The following CERKL variants were observed in gnomAD, a reference collection of about 807,000 sequenced individuals.
CERKL encodes CERK like autophagy regulator.
Under a neutral mutation model 63.4 loss-of-function variants are expected in CERKL, and 61 were observed. The observed-to-expected ratio is 0.96, with a 90% confidence interval of 0.78 to 1.19. The LOEUF (loss-of-function observed/expected upper bound fraction) is 1.19, where lower values mean the gene tolerates loss of function less well. CERKL is among the 50% of genes most tolerant of loss of function. The pLI is 0.00. For synonymous variants in CERKL, 250 were observed against 230.5 expected (o/e 1.08, Z -0.77); for missense variants, 675 against 655.5 (o/e 1.03, Z -0.33).
Position 181,656,961 on chromosome 2 carries a change from C to G in CERKL, c.46G>C (p.Gly16Arg), listed in dbSNP as rs1267998340. The change falls in exon 1 of 13, where the codon GGC (glycine) becomes CGC (arginine). Residue 16 changes from glycine (G) to arginine (R), a missense_variant. Gly to Arg is a moderately radical substitution (Grantham distance 125). Transcript: ENST00000410087. ...TCCGGGGGCGCCTCTTCCTCCCGGC[C>G]GCCCTCCAGGGCACTCACCCGGTTC... ...RRNRVSALEG[G>R]REEEAPPEAA... 8.8e-6 allele frequency: 14 copies of G among 1,582,302 alleles called. No homozygotes were observed. The highest frequency in any genetic ancestry group is 1.2e-5 in the Non-Finnish European group (14 of 1,164,802).
chr2:181,548,314 G>A, intron 8 of CERKL: 1 of 558,822 alleles, frequency 1.8e-6, no homozygotes, highest in Non-Finnish European at 3.1e-6. Flanking sequence ...GAGAACGGAA[G>A]GAGGGAGGGA....
chr2:181,610,729 A>G (rs1314399645), intron 1 of CERKL, among the ~76,000 whole-genome samples: 1 of 152,232 alleles, frequency 6.6e-6, no homozygotes, highest in Non-Finnish European at 1.5e-5. Flanking sequence ...CTGGTTACCT[A>G]TTAAATATGC....
chr2:181,565,635 C>G, intron 4 of CERKL: 2 of 822,296 alleles, frequency 2.4e-6, no homozygotes, highest in Non-Finnish European at 4.0e-6. Flanking sequence ...CAATCTATCA[C>G]AGACAAGTTA....
rs577788429 is a variant in CERKL at position 181,589,691 on chromosome 2, T to C, written c.481+14146A>G. Among the ~76,000 whole-genome samples, 3 of 152,312 alleles carry C rather than the reference T, an allele frequency of 2.0e-5. No homozygotes were observed. The South Asian group carries it at 6.2e-4, about 32-fold the overall frequency. ...CTCCAAATGGACTAGAGATCTAAAA[T>C]TCAACTATGCAAGTACTAGAAGAAA... On this transcript the variant is annotated intron_variant, in intron 2 of 12. Coordinates refer to ENST00000410087, the MANE Select transcript of CERKL (RefSeq NM_201548.5).
chr2:181,619,217 AG>A (rs1686343122), intron 1 of CERKL, among the ~76,000 whole-genome samples: 1 of 152,076 alleles, frequency 6.6e-6, no homozygotes, highest in African/African-American at 2.4e-5. Flanking sequence ...CTTCCATCTC[AG>A]TCCCTCAGGA....
At position 181,611,184 on chromosome 2, in the gene CERKL, T is replaced by C. The variant is rs184028408; in HGVS notation, c.239-7105A>G. On this transcript the variant is annotated intron_variant, in intron 1 of 12. Coordinates refer to ENST00000410087, the MANE Select transcript of CERKL (RefSeq NM_201548.5). The stretch of plus-strand genomic sequence containing the variant: ...GTTGCAGTGAGCCAAGATCACACCA[T>C]TGCACTTCAGCCTGGGCAACAGAGT... 9.2e-5 allele frequency among the ~76,000 whole-genome samples: 14 copies of C among 152,026 alleles called. No individual in the cohort carries two copies. In the East Asian group the frequency reaches 9.7e-4, roughly 11 times the overall value.
chr2:181,577,091 C>T (rs186856131), intron 2 of CERKL, among the ~76,000 whole-genome samples: 1 of 152,174 alleles, frequency 6.6e-6, no homozygotes. Context: ...ATATTTATAA[C>T]AGGTTCCCAG....
chr2:181,651,023 A>T (rs1342111285), intron 1 of CERKL, among the ~76,000 whole-genome samples: 3 of 152,354 alleles, frequency 2.0e-5, no homozygotes, highest in East Asian at 3.9e-4. Context: ...TAAGTGAGGA[A>T]ATTGAATCAG....
chr2:181,602,027 C>G (rs1202523031), intron 2 of CERKL, among the ~76,000 whole-genome samples: 1 of 152,188 alleles, frequency 6.6e-6, no homozygotes, highest in African/African-American at 2.4e-5. Context: ...CTAGATCAAA[C>G]AAAAACATCA....
chr2:181,576,658 T>G (rs1311084162), intron 2 of CERKL, among the ~76,000 whole-genome samples: 2 of 152,144 alleles, frequency 1.3e-5, no homozygotes, highest in East Asian at 1.9e-4. Context: ...TTGCGGAAAG[T>G]AGATAAAGTA....
At chr2:181,593,304 C>A (rs879062870) in intron 2 of CERKL, among the ~76,000 whole-genome samples, 1 of 152,082 alleles carries the variant, frequency 6.6e-6, no homozygotes, top group African/African-American at 2.4e-5. Context: ...TGCTATCTAG[C>A]GTGATCATCC....
intron 1 of CERKL, among the ~76,000 whole-genome samples, chr2:181,637,350 A>G (rs1017185056): frequency 6.6e-6 from 1 of 152,184 alleles, no homozygotes; most frequent in Non-Finnish European, 1.5e-5. Flanking sequence ...TTAAACCACT[A>G]TTTGCGATAA....
In CERKL at chr2:181,547,850, A is replaced by T; in HGVS notation, c.1134-3T>A. 1 of 1,613,988 alleles carries T rather than the reference A, an allele frequency of 6.2e-7. No homozygotes were observed. The stretch of plus-strand genomic sequence containing the variant: ...ATTTGGGAGATCCCTGTGCCCTCCT[A>T]AAAGAAAGAAAACAAAACAAAGACA... On this transcript the variant is annotated splice_polypyrimidine_tract_variant and splice_region_variant and intron_variant, in intron 8 of 12. Transcript: ENST00000410087.
At chr2:181,606,890 C>A (rs1685742362) in intron 1 of CERKL, among the ~76,000 whole-genome samples, 2 of 152,136 alleles carry the variant, frequency 1.3e-5, no homozygotes, top group South Asian at 2.1e-4. Context: ...TTTGTCCTGT[C>A]CCGGTCAGTA....
At chr2:181,541,915 G>A (rs188368601) in intron 11 of CERKL, among the ~76,000 whole-genome samples, 24 of 152,290 alleles carry the variant, frequency 1.6e-4, no homozygotes, top group South Asian at 4.1e-4. Context: ...TCCAGATGCC[G>A]GTGAATTTCA....
chr2:181,552,965 A>G (rs1688052637), intron 5 of CERKL, among the ~76,000 whole-genome samples: 2 of 152,196 alleles, frequency 1.3e-5, no homozygotes, highest in African/African-American at 4.8e-5. Flanking sequence ...GTTTGTATGC[A>G]CAGTGACTTG....
chr2:181,630,030 C>T (rs934608145), intron 1 of CERKL, among the ~76,000 whole-genome samples: 13 of 150,490 alleles, frequency 8.6e-5, no homozygotes, highest in African/African-American at 2.9e-4. Flanking sequence ...AAGAATAAAA[C>T]CCACTTTTTT....
At chr2:181,541,138 T>A (rs1687486316) in intron 11 of CERKL, among the ~76,000 whole-genome samples, 1 of 152,124 alleles carries the variant, frequency 6.6e-6, no homozygotes, top group Non-Finnish European at 1.5e-5. Context: ...AAAGAGACGA[T>A]TAAGCTAAAA....
intron 2 of CERKL, among the ~76,000 whole-genome samples, chr2:181,579,356 A>G (rs942201474): frequency 5.9e-5 from 9 of 151,828 alleles, no homozygotes; most frequent in African/African-American, 2.2e-4. Context: ...ACTGTATGTG[A>G]CTCTAATTTC....
Sources: gnomAD v4.1 joint callset for allele counts (sites outside exome capture counted in the v4.1 genomes callset) on GRCh38, gnomAD v4.1.1 for gene constraint, MANE v1.5 for transcripts, NCBI Gene and HGNC (gene_info 2026-07-23, HGNC 2026-07-21) for gene names.